Variants in SLC24A2 observed in about 807,000 individuals in gnomAD.
SLC24A2 encodes the protein sodium/potassium/calcium exchanger 2.
A neutral mutation model predicts 62.0 loss-of-function variants in SLC24A2; 36 were observed. That is an observed-to-expected ratio of 0.58 (90% CI 0.44 to 0.77). The LOEUF is 0.77. Among genes scored for constraint, SLC24A2 ranks in the 30% least tolerant of loss-of-function variants. The probability of loss-of-function intolerance (pLI) is 0.00; values close to 1 mark genes in which losing one functional copy is unlikely to be tolerated. For synonymous variants in SLC24A2, 358 were observed against 294.0 expected (o/e 1.22, Z -2.23); for missense variants, 846 against 817.9 (o/e 1.03, Z -0.42).
chr9:19,954,581 C>T, the SLC24A2 span, among the ~76,000 whole-genome samples: 1 of 151,626 alleles, frequency 6.6e-6, no homozygotes, highest in African/African-American at 2.4e-5. Context: ...AAACATCTTC[C>T]GCCAGATTTT....
the SLC24A2 span, among the ~76,000 whole-genome samples, chr9:20,253,308 T>C: frequency 1.3e-5 from 2 of 152,246 alleles, no homozygotes; most frequent in Non-Finnish European, 2.9e-5. Flanking sequence ...CCAGAGTTTT[T>C]ACAAGACTTT....
the SLC24A2 span, among the ~76,000 whole-genome samples, chr9:20,285,458 T>G: frequency 6.6e-6 from 1 of 152,150 alleles, no homozygotes; most frequent in African/African-American, 2.4e-5. Context: ...TCAGTATGAG[T>G]CTGAAAGCAG....
At chr9:19,561,031 T>TTCTC (rs1835373655) in intron 7 of SLC24A2, among the ~76,000 whole-genome samples, 1 of 151,924 alleles carries the variant, frequency 6.6e-6, no homozygotes, top group African/African-American at 2.4e-5. Flanking sequence ...GTTTGAGGAA[T>TTCTC]TCTCTTTCCT....
At chr9:19,592,639 C>T (rs1382243102) in intron 5 of SLC24A2, among the ~76,000 whole-genome samples, 1 of 152,148 alleles carries the variant, frequency 6.6e-6, no homozygotes, top group East Asian at 1.9e-4. Context: ...AAGGTCTTTT[C>T]TCCTTTTAAT....
intron 2 of SLC24A2, among the ~76,000 whole-genome samples, chr9:19,704,347 T>TA (rs1353478116): frequency 6.6e-6 from 1 of 152,106 alleles, no homozygotes; most frequent in Non-Finnish European, 1.5e-5. Flanking sequence ...TGGTAAATTT[T>TA]AAAAAATATG....
At chr9:19,568,784 C>T (rs376911800) in intron 7 of SLC24A2, among the ~76,000 whole-genome samples, 4 of 152,260 alleles carry the variant, frequency 2.6e-5, no homozygotes, top group East Asian at 3.9e-4. Flanking sequence ...AAAGGTAATG[C>T]AATTGCCTGG....
the SLC24A2 span, among the ~76,000 whole-genome samples, chr9:20,275,298 A>G: frequency 6.6e-6 from 1 of 152,124 alleles, no homozygotes; most frequent in African/African-American, 2.4e-5. Flanking sequence ...GAAATGGCTC[A>G]CTCACACTAA....
the SLC24A2 span, among the ~76,000 whole-genome samples, chr9:20,203,430 C>T: frequency 6.6e-6 from 1 of 152,174 alleles, no homozygotes; most frequent in Non-Finnish European, 1.5e-5. Context: ...TGGCTCAGCC[C>T]TACCATTAAT....
chr9:19,524,418 C>A (rs199839041), intron 9 of SLC24A2, among the ~76,000 whole-genome samples: 138 of 118,800 alleles, frequency 1.2e-3, no homozygotes, highest in Middle Eastern at 4.7e-3. Flanking sequence ...AAGATAAAGG[C>A]AAAAAAAAAA....
the SLC24A2 span, among the ~76,000 whole-genome samples, chr9:20,036,514 A>T: frequency 6.6e-6 from 1 of 152,198 alleles, no homozygotes; most frequent in South Asian, 2.1e-4. Flanking sequence ...AGTCTTCGGT[A>T]ACTACCATTC....
intron 2 of SLC24A2, among the ~76,000 whole-genome samples, chr9:19,704,050 C>T (rs1177666608): frequency 2.6e-5 from 4 of 152,136 alleles, no homozygotes. Flanking sequence ...TCAACTGCAT[C>T]AATACTGGGG....
the SLC24A2 span, among the ~76,000 whole-genome samples, chr9:19,824,527 C>G: frequency 6.6e-6 from 1 of 152,130 alleles, no homozygotes; most frequent in African/African-American, 2.4e-5. Context: ...ACAACAGATG[C>G]TGGCAAGGCT....
intron 7 of SLC24A2, among the ~76,000 whole-genome samples, chr9:19,556,784 C>CT (rs1360531590): frequency 2.0e-5 from 3 of 152,108 alleles, no homozygotes; most frequent in African/African-American, 7.2e-5. Flanking sequence ...ACACTAGTGC[C>CT]TCTCACTGCC....
chr9:19,932,637 G>C, the SLC24A2 span, among the ~76,000 whole-genome samples: 1 of 152,188 alleles, frequency 6.6e-6, no homozygotes, highest in Non-Finnish European at 1.5e-5. Flanking sequence ...AAGAGGGCTA[G>C]AACTCAGAAC....
At chr9:20,072,895 C>G in the SLC24A2 span, among the ~76,000 whole-genome samples, 1 of 152,060 alleles carries the variant, frequency 6.6e-6, no homozygotes, top group Non-Finnish European at 1.5e-5. Flanking sequence ...GACTTCAGAC[C>G]TCCAGAACTG....
intron 2 of SLC24A2, among the ~76,000 whole-genome samples, chr9:19,694,619 G>C (rs1820132901): frequency 6.6e-6 from 1 of 152,142 alleles, no homozygotes. Context: ...ACGGAGAAAT[G>C]CATGTCAATT....
chr9:19,638,612 T>C (rs1175903304), intron 2 of SLC24A2, among the ~76,000 whole-genome samples: 2 of 152,196 alleles, frequency 1.3e-5, no homozygotes, highest in Non-Finnish European at 2.9e-5. Flanking sequence ...GGTAAAGCTA[T>C]GGGATGACAC....
At chr9:19,687,271 C>G (rs1819910685) in intron 2 of SLC24A2, among the ~76,000 whole-genome samples, 1 of 151,960 alleles carries the variant, frequency 6.6e-6, no homozygotes, top group South Asian at 2.1e-4. Context: ...GTTCCCCGAA[C>G]CTAAAATAAA....
At chr9:20,232,825 C>G in the SLC24A2 span, among the ~76,000 whole-genome samples, 100 of 152,158 alleles carry the variant, frequency 6.6e-4, no homozygotes, top group Admixed American at 5.8e-3. Context: ...GTTAGGGTGT[C>G]AATTTTAGAT....
Sources: allele counts gnomAD v4.1 joint callset (sites outside exome capture counted in the v4.1 genomes callset), GRCh38; gene constraint gnomAD v4.1.1; transcripts MANE v1.5; gene names NCBI Gene and HGNC (gene_info 2026-07-23, HGNC 2026-07-21).